Variants in LAMA5 observed in about 807,000 individuals in gnomAD.
The protein encoded by LAMA5 is laminin subunit alpha 5, also known as laminin subunit alpha-5.
Under a neutral mutation model 433.4 loss-of-function variants are expected in LAMA5, and 260 were observed. The ratio of observed to expected loss-of-function variants is 0.60; its 90% confidence interval spans 0.54 to 0.66. The LOEUF is 0.66. Ranked by LOEUF, LAMA5 falls within the 30% of genes least tolerant of loss-of-function variation. The probability of loss-of-function intolerance (pLI) is 0.00; values close to 1 mark genes in which losing one functional copy is unlikely to be tolerated. For missense variants in LAMA5, 5,378 were observed against 5,258.5 expected (o/e 1.02, Z -0.70); for synonymous variants, 2,620 against 2,226.6 (o/e 1.18, Z -4.97).
chr20:62,358,886 G>A (rs187566703), intron 2 of LAMA5, among the ~76,000 whole-genome samples: 321 of 152,184 alleles, frequency 2.1e-3, no homozygotes, highest in African/African-American at 5.8e-3. Context: ...TCCCCTCTCC[G>A]GCCCTACCTG....
chr20:62,332,943 A>AGGAGGCAGGAGGCAGGAGGCAGGAGGCC, intron 26 of LAMA5, 147 bp downstream of exon 26: 1 of 1,075,754 alleles, frequency 9.3e-7, no homozygotes, highest in Non-Finnish European at 1.3e-6. Context: ...GGCAGGAGGC[A>AGGAGGCAGGAGGCAGGAGGCAGGAGGCC]GGAGGCAGGG....
Position 62,334,376 on chromosome 20 carries a change from G to A in LAMA5, c.2583-34C>T, listed in dbSNP as rs751016831. The A allele has an allele frequency of 4.5e-6, 7 of 1,563,524 alleles. No individual in the cohort carries two copies. The African/African-American group carries it at 5.4e-5, about 12-fold the overall frequency. ...AGCAGGGGCTGGTCAGGTGCAGCTT[G>A]GCCATCCTACCTAGCCCTGCACAGC... On this transcript the variant is annotated intron_variant, in intron 21 of 79. Coordinates refer to ENST00000252999, the MANE Select transcript of LAMA5 (RefSeq NM_005560.6).
Position 62,311,203 on chromosome 20 carries a change from A to G in LAMA5, c.10047T>C (p.Ser3349=). 1.9e-6 allele frequency: 3 copies of G among 1,609,290 alleles called. No individual in the cohort carries two copies. The highest frequency in any genetic ancestry group is 2.5e-6 in the Non-Finnish European group (3 of 1,178,484). ...DSYQFGGSLS[S]HLEFVGILAR... ...CCAGGATGCCCACAAACTCCAGGTGACTGGACAGGGAACCCCCAAACTGGT... is the reference window on the plus strand; with the variant it reads ...CCAGGATGCCCACAAACTCCAGGTGGCTGGACAGGGAACCCCCAAACTGGT... The change falls in exon 73 of 80, where the codon AGT becomes AGC. Residue 3349 remains serine, a synonymous_variant. Coordinates refer to ENST00000252999, the MANE Select transcript of LAMA5 (RefSeq NM_005560.6).
intron 2 of LAMA5, among the ~76,000 whole-genome samples, chr20:62,360,063 G>A (rs1371338587): frequency 2.0e-5 from 3 of 149,720 alleles, no homozygotes; most frequent in Non-Finnish European, 3.0e-5. Context: ...CCCCAGCCCC[G>A]CCCCAGGATC....
At chr20:62,334,941 G>T (rs949452294) in intron 20 of LAMA5, 80 bp downstream of exon 20, 1 of 1,345,812 alleles carries the variant, frequency 7.4e-7, no homozygotes, top group Non-Finnish European at 1.1e-6. Flanking sequence ...GGCTGCACTT[G>T]TCCCTCCGGG....
chr20:62,341,770 A>ACCT (rs1487953266), intron 11 of LAMA5, among the ~76,000 whole-genome samples: 2 of 150,882 alleles, frequency 1.3e-5, no homozygotes, highest in African/African-American at 4.9e-5. Flanking sequence ...AGAGAACTGC[A>ACCT]CCTGTACTTC....
intron 11 of LAMA5, among the ~76,000 whole-genome samples, chr20:62,343,347 A>G (rs935930188): frequency 1.3e-5 from 2 of 152,142 alleles, no homozygotes; most frequent in Non-Finnish European, 2.9e-5. Context: ...TCTACATCCG[A>G]CTCAGCCAGA....
In LAMA5 at chr20:62,359,633, G is replaced by A. The variant is rs115659162; in HGVS notation, c.450+2767C>T. On this transcript the variant is annotated intron_variant, in intron 2 of 79. Transcript: ENST00000252999. This position sits in a 1 kb window ranked among gnomAD's most constrained non-coding sequence, Gnocchi z 4.3. ...CTGGGGAAGGTCACGTCTGGAACTC[G>A]GAAACTGCCCCCTGAGTCACCAGTG... Among the ~76,000 whole-genome samples the A allele has an allele frequency of 0.011, 1,746 of 152,170 alleles. 31 individuals are homozygous for A. Among genetic ancestry groups the A allele is most frequent in the African/African-American group, 0.039 (1,603 of 41,512 alleles).
At chr20:62,337,458 C>T (rs1372550319) in intron 16 of LAMA5, 132 bp downstream of exon 16, 27 of 1,234,674 alleles carry the variant, frequency 2.2e-5, no homozygotes, top group Non-Finnish European at 3.0e-5. Flanking sequence ...GAACACAGAG[C>T]GTGGGGACGC....
At chr20:62,335,557 C>T (rs1470644641) in intron 18 of LAMA5, among the ~76,000 whole-genome samples, 1 of 149,630 alleles carries the variant, frequency 6.7e-6, no homozygotes, top group African/African-American at 2.5e-5. Context: ...GACTCCAGCC[C>T]CCCCCCAGGA....
In LAMA5 at chr20:62,316,910, G is replaced by T; in HGVS notation, c.7625C>A (p.Ala2542Asp). The T allele has an allele frequency of 6.5e-7, 1 of 1,542,740 alleles. No homozygotes were observed. The change falls in exon 56 of 80, where the codon GCC becomes GAC. Residue 2542 changes from alanine to aspartate, a missense_variant. Ala to Asp is a moderately radical substitution (Grantham distance 126). Coordinates refer to ENST00000252999, the MANE Select transcript of LAMA5 (RefSeq NM_005560.6). ...VQAAEDAAGQ[A>D]LQQADHTWAT... ...CCACGTGTGGTCCGCCTGCTGCAGG[G>T]CCTGGCCAGCAGCATCCTCGGCAGC... is the stretch of plus-strand genomic sequence containing the variant.
intron 11 of LAMA5, among the ~76,000 whole-genome samples, chr20:62,339,083 CAG>C (rs1165054539): frequency 6.6e-6 from 1 of 150,930 alleles, no homozygotes; most frequent in African/African-American, 2.4e-5. Flanking sequence ...TTTGGGAAAA[CAG>C]TGATGTGCAA....
Position 62,330,482 on chromosome 20 carries a change from A to AC in LAMA5, c.3979+5dup, listed in dbSNP as rs1980152359. On this transcript the variant is annotated splice_donor_region_variant and intron_variant, in intron 31 of 79. Coordinates refer to ENST00000252999, the MANE Select transcript of LAMA5 (RefSeq NM_005560.6). ...AGCCTCTCCACCCCCCACACCAGACACTCACCCTGCCACACGCGGCCGGCG... is the reference window on the plus strand; with the variant it reads ...AGCCTCTCCACCCCCCACACCAGACACCTCACCCTGCCACACGCGGCCGGCG... 2 of 1,541,130 alleles carry AC rather than the reference A, an allele frequency of 1.3e-6. No individual in the cohort carries two copies.
chr20:62,316,968 T>C lies in LAMA5; in HGVS notation c.7567A>G (p.Asn2523Asp). 6.4e-7 allele frequency: 1 copy of C among 1,567,988 alleles called. No individual in the cohort carries two copies. The highest frequency in any genetic ancestry group is 8.7e-7 in the Non-Finnish European group (1 of 1,153,392). The change falls in exon 56 of 80, where the codon AAC (asparagine) becomes GAC (aspartate). Residue 2523 changes from asparagine to aspartate, a missense_variant. Asn to Asp is a conservative substitution (Grantham distance 23). Transcript: ENST00000252999. ...RLTQRAIEAS[N>D]AYSRILQAVQ... ...GCCTGCAGGATGCGGCTGTAGGCGT[T>C]GGAGGCCTCGATGGCCCTCTGGGTG...
At chr20:62,322,620 G>GGGCCCC in intron 46 of LAMA5, 38 bp downstream of exon 46, 3 of 1,399,002 alleles carry the variant, frequency 2.1e-6, no homozygotes, top group Non-Finnish European at 2.9e-6. Flanking sequence ...TAGTCCCTAG[G>GGGCCCC]CCCCACCCAC....
In LAMA5 at chr20:62,316,899, C is replaced by A; in HGVS notation, c.7636G>T (p.Ala2546Ser). ...GGCCTCACCGCCCACGTGTGGTCCG[C>A]CTGCTGCAGGGCCTGGCCAGCAGCA... Reference protein sequence around the residue: ...EDAAGQALQQADHTWATVVRQ... With the variant: ...EDAAGQALQQSDHTWATVVRQ... Residue 2546 changes from alanine to serine, a missense_variant, in exon 56 of 80, where the codon GCG (alanine) becomes TCG (serine). Coordinates refer to ENST00000252999, the MANE Select transcript of LAMA5 (RefSeq NM_005560.6). 1 of 1,537,152 alleles carries A rather than the reference C, an allele frequency of 6.5e-7. No homozygotes were observed. Among genetic ancestry groups the A allele is most frequent in the Non-Finnish European group, 8.8e-7 (1 of 1,140,556 alleles).
At chr20:62,335,349 C>G (rs1330979205) in intron 18 of LAMA5, 80 bp from the exon 19 acceptor site, 50 of 1,434,142 alleles carry the variant, frequency 3.5e-5, no homozygotes, top group Non-Finnish European at 4.8e-5. Flanking sequence ...CCCCCACACC[C>G]TAACACCCCC....
At position 62,332,655 on chromosome 20, in the gene LAMA5, G is replaced by A. The variant is rs777976425; in HGVS notation, c.3345C>T (p.Tyr1115=). The A allele has an allele frequency of 4.1e-5, 66 of 1,609,844 alleles. No homozygotes were observed. The South Asian group carries it at 4.2e-4, about 10-fold the overall frequency. Residue 1115 remains tyrosine, a synonymous_variant, in exon 27 of 80, where the codon TAC becomes TAT. Transcript: ENST00000252999. ...QPGRYALVVE[Y]ANEDARQEVG... Reference sequence around the variant, plus strand: ...CCTCCTGGCGGGCATCCTCATTGGCGTACTCCACCACTAGGGCATAGCGGC... The same window carrying A: ...CCTCCTGGCGGGCATCCTCATTGGCATACTCCACCACTAGGGCATAGCGGC...
intron 28 of LAMA5, 81 bp downstream of exon 28, chr20:62,332,291 C>T: frequency 1.9e-6 from 2 of 1,031,502 alleles, no homozygotes; most frequent in South Asian, 1.3e-5. Context: ...GGGACCCCAA[C>T]TGTCCTCTCC....
Sources: allele counts gnomAD v4.1 joint callset (sites outside exome capture counted in the v4.1 genomes callset), GRCh38; gene constraint gnomAD v4.1.1; non-coding constraint Gnocchi (gnomAD v3.1); transcripts MANE v1.5; gene names NCBI Gene and HGNC (gene_info 2026-07-23, HGNC 2026-07-21).